DNER: variants seen among roughly 807,000 people sequenced by gnomAD.
DNER encodes delta and Notch-like epidermal growth factor-related receptor.
A neutral mutation model predicts 78.2 loss-of-function variants in DNER; 33 were observed. The ratio of observed to expected loss-of-function variants is 0.42; its 90% CI spans 0.32 to 0.56. DNER has a LOEUF of 0.56. Ranked by LOEUF, DNER falls within the 20% of genes least tolerant of loss-of-function variation. The probability of loss-of-function intolerance (pLI) is 0.11; values close to 1 mark genes in which losing one functional copy is unlikely to be tolerated. For synonymous variants in DNER, 417 were observed against 384.8 expected (o/e 1.08, Z -0.98); for missense variants, 918 against 975.3 (o/e 0.94, Z 0.78).
intron 4 of DNER, among the ~76,000 whole-genome samples, chr2:229,575,934 T>C (rs894897060): frequency 6.6e-6 from 1 of 152,232 alleles, no homozygotes; most frequent in African/African-American, 2.4e-5. Context: ...TAAGTAAAAC[T>C]CAAATTTCAT....
At chr2:229,522,605 G>A (rs1696124107) in intron 5 of DNER, among the ~76,000 whole-genome samples, 1 of 152,032 alleles carries the variant, frequency 6.6e-6, no homozygotes, top group Admixed American at 6.6e-5. Flanking sequence ...CCTGTGTTAT[G>A]CCACAAGAAA....
intron 1 of DNER, chr2:229,701,696 C>A (rs1699748562): frequency 6.6e-6 from 1 of 152,136 alleles, no homozygotes; most frequent in Non-Finnish European, 1.5e-5. Flanking sequence ...TATCTACATA[C>A]AAAATTTGGC....
At chr2:229,585,642 T>C (rs60506636) in intron 4 of DNER, among the ~76,000 whole-genome samples, 17,916 of 150,398 alleles carry the variant, frequency 0.12, 1,236 homozygotes, top group Middle Eastern at 0.2. Context: ...CCTGGGTGAC[T>C]GAGCGAGACT....
intron 1 of DNER, among the ~76,000 whole-genome samples, chr2:229,604,218 T>C (rs1050730810): frequency 3.3e-5 from 5 of 152,242 alleles, no homozygotes; most frequent in Admixed American, 3.3e-4. Context: ...ATTTTAAATG[T>C]TCTCATTTCT....
intron 1 of DNER, among the ~76,000 whole-genome samples, chr2:229,618,813 T>A (rs72991631): frequency 0.022 from 3,347 of 152,296 alleles, 50 homozygotes; most frequent in Middle Eastern, 0.034. Context: ...TTTATTTTAA[T>A]GTCTCTTAAA....
chr2:229,358,541 T>C lies in DNER; in HGVS notation c.2213A>G (p.Ter738=). 1 of 1,602,476 alleles carries C rather than the reference T, an allele frequency of 6.2e-7. No homozygotes were observed. Among genetic ancestry groups the C allele is most frequent in the Non-Finnish European group, 8.5e-7 (1 of 1,175,084 alleles). The change falls in exon 13 of 13, where the codon TAA becomes TGA. Residue 738 remains the stop codon, a stop_retained_variant. Transcript: ENST00000341772. ...TTTGAAAAATAATCCAAAAAAAGAT[T>C]ACAAATCTTTAGTTTTAATCAGTGT... is the stretch of plus-strand genomic sequence containing the variant. ...LVTLIKTKDL[*]
intron 11 of DNER, among the ~76,000 whole-genome samples, chr2:229,387,893 T>TGTGTGTGTG (rs3222719): frequency 0.019 from 1,399 of 71,952 alleles, 16 homozygotes; most frequent in African/African-American, 0.054. Context: ...GTGTGTGTGT[T>TGTGTGTGTG]TTTTAATTTT....
At chr2:229,393,817 A>G (rs1254695101) in intron 10 of DNER, among the ~76,000 whole-genome samples, 1 of 152,174 alleles carries the variant, frequency 6.6e-6, no homozygotes, top group Non-Finnish European at 1.5e-5. Flanking sequence ...ACTGCACTCC[A>G]GCCTGGGCAA....
chr2:229,675,326 C>T (rs939937806), intron 1 of DNER, among the ~76,000 whole-genome samples: 15 of 152,126 alleles, frequency 9.9e-5, no homozygotes, highest in African/African-American at 3.1e-4. Flanking sequence ...TCTCATGCCT[C>T]CTTCTCAGCA....
At chr2:229,641,093 G>A (rs540889481) in intron 1 of DNER, among the ~76,000 whole-genome samples, 1 of 152,290 alleles carries the variant, frequency 6.6e-6, no homozygotes, top group East Asian at 1.9e-4. Context: ...AGATGCAGGA[G>A]GAATAAATGA....
chr2:229,601,171 G>A (rs1697819541), intron 1 of DNER, among the ~76,000 whole-genome samples: 1 of 152,162 alleles, frequency 6.6e-6, no homozygotes. Context: ...AACAGGAATT[G>A]CAGTGGTTGT....
chr2:229,546,878 C>T, intron 5 of DNER, 69 bp downstream of exon 5: 2 of 1,594,484 alleles, frequency 1.3e-6, no homozygotes, highest in Admixed American at 3.4e-5. Flanking sequence ...CACACACATA[C>T]TTATGTATTT....
At chr2:229,546,735 CA>C (rs1559162952) in intron 5 of DNER, among the ~76,000 whole-genome samples, 1 of 151,972 alleles carries the variant, frequency 6.6e-6, no homozygotes, top group Middle Eastern at 3.4e-3. Context: ...GACCCCATCT[CA>C]AAAACAAAAA....
At chr2:229,472,251 C>T (rs891764716) in intron 7 of DNER, among the ~76,000 whole-genome samples, 1 of 152,106 alleles carries the variant, frequency 6.6e-6, no homozygotes, top group Admixed American at 6.6e-5. Flanking sequence ...CATAAAGCCC[C>T]ATATTCTCTC....
intron 9 of DNER, among the ~76,000 whole-genome samples, chr2:229,416,342 CCTCT>C (rs1426898822): frequency 1.3e-5 from 2 of 152,132 alleles, no homozygotes; most frequent in South Asian, 4.1e-4. Flanking sequence ...AACTTTTCTC[CCTCT>C]CTGAGTTGCT....
chr2:229,541,943 A>G (rs1696523530), intron 5 of DNER, among the ~76,000 whole-genome samples: 1 of 147,108 alleles, frequency 6.8e-6, no homozygotes, highest in African/African-American at 2.5e-5. Context: ...ATATTTATAT[A>G]TACTTTATAT....
At chr2:229,683,733 C>T (rs1699428154) in intron 1 of DNER, among the ~76,000 whole-genome samples, 1 of 152,040 alleles carries the variant, frequency 6.6e-6, no homozygotes, top group African/African-American at 2.4e-5. Context: ...AAGTACTTTA[C>T]ACATATTTAA....
intron 4 of DNER, among the ~76,000 whole-genome samples, chr2:229,585,529 G>A (rs988729678): frequency 6.6e-6 from 1 of 151,982 alleles, no homozygotes; most frequent in Admixed American, 6.5e-5. Flanking sequence ...GCATGATGGT[G>A]GGTGCCTGTA....
intron 1 of DNER, among the ~76,000 whole-genome samples, chr2:229,702,753 TAAAA>T (rs955296706): frequency 6.8e-6 from 1 of 147,150 alleles, no homozygotes; most frequent in African/African-American, 2.5e-5. Context: ...CCATCTCTAT[TAAAA>T]ACACAAAAAA....
Sources: allele counts gnomAD v4.1 joint callset (sites outside exome capture counted in the v4.1 genomes callset), GRCh38; gene constraint gnomAD v4.1.1; transcripts MANE v1.5; gene names NCBI Gene and HGNC (gene_info 2026-07-23, HGNC 2026-07-21).